Variants in FADS2 observed in about 807,000 individuals in gnomAD.
FADS2 encodes the protein fatty acid desaturase 2.
FADS2 carries 18 observed loss-of-function variants against 61.2 expected under a neutral mutation model. The observed-to-expected ratio is 0.29, with a 90% CI of 0.20 to 0.44. The LOEUF is 0.44. Ranked by LOEUF, FADS2 falls within the 20% of genes least tolerant of loss-of-function variation. The pLI, the probability that FADS2 is intolerant of heterozygous loss-of-function variation, is 1.00. For missense variants in FADS2, 322 were observed against 572.7 expected (o/e 0.56, Z 4.47); for synonymous variants, 203 against 223.9 (o/e 0.91, Z 0.83).
chr11:61,821,027 C>G (rs1479291536), intron 1 of FADS2, among the ~76,000 whole-genome samples: 3 of 152,194 alleles, frequency 2.0e-5, no homozygotes. Context: ...TACCCACCTA[C>G]ACAGGTGGTC....
intron 7 of FADS2, 28 bp from the exon 8 acceptor site, chr11:61,862,944 T>C: frequency 1.3e-6 from 2 of 1,592,596 alleles, no homozygotes; most frequent in Non-Finnish European, 1.7e-6. Context: ...AGAGGGCAGG[T>C]TGCACCTAAC....
chr11:61,823,446 G>C (rs532609652), upstream of FADS2, among the ~76,000 whole-genome samples: 43 of 152,196 alleles, frequency 2.8e-4, no homozygotes, highest in Admixed American at 6.5e-4. Context: ...CTAGCAATCT[G>C]TGCTTTAAAG....
In FADS2 at chr11:61,863,044, G is replaced by A; in HGVS notation, c.955G>A (p.Ala319Thr). ...CATCCCTTTCTACGGCATCCTGGGA[G>A]CCCTCCTTTTCCTCAACTTCATCAG... Reference protein sequence around the residue: ...TYIPFYGILGALLFLNFIRFL... With the variant: ...TYIPFYGILGTLLFLNFIRFL... Residue 319 changes from alanine to threonine, a missense_variant, in exon 8 of 12, where the codon GCC (alanine) becomes ACC (threonine). Around this residue, in one of 3 missense-constraint regions of FADS2, gnomAD observed 221 missense variants for 427.9 expected, o/e 0.52. Coordinates refer to ENST00000278840, the MANE Select transcript of FADS2 (RefSeq NM_004265.4). The A allele has an allele frequency of 6.2e-7, 1 of 1,614,196 alleles. No homozygotes were observed. Among genetic ancestry groups the A allele is most frequent in the African/African-American group, 1.3e-5 (1 of 75,064 alleles).
intron 1 of FADS2, among the ~76,000 whole-genome samples, chr11:61,832,335 C>A (rs2067137574): frequency 6.6e-6 from 1 of 152,206 alleles, no homozygotes; most frequent in South Asian, 2.1e-4. Context: ...GGCAGGAGAC[C>A]TGGGTTCCAG....
intron 5 of FADS2, among the ~76,000 whole-genome samples, chr11:61,853,497 TC>T (rs1026532811): frequency 3.7e-4 from 57 of 152,154 alleles, no homozygotes; most frequent in African/African-American, 1.3e-3. Flanking sequence ...TTTTGCCATA[TC>T]CCCGTTTTCT....
Position 61,817,233 on chromosome 11 carries a change from C to T in FADS2, c.141+807C>T, listed in dbSNP as rs532018277. On this transcript the variant is annotated intron_variant, in intron 1 of 11. Transcript: ENST00000257261. ...GGGCCGGGGTTGAGGTTTTTCCGTG[C>T]ACGAGGCTGCCCGGGCGGTCGCGGA... The T allele has an allele frequency of 9.9e-4, 349 of 352,430 alleles. 8 individuals are homozygous for T. The highest frequency in any genetic ancestry group is 2.2e-4 in the Non-Finnish European group (44 of 197,664). 21.8% of individuals were successfully genotyped at this position (352,430 alleles called of 1,614,324 possible).
chr11:61,866,836 T>G lies in FADS2; in HGVS notation c.*1147T>G, dbSNP rs1157441657. On this transcript the variant is annotated 3_prime_UTR_variant, in exon 12 of 12. Transcript: ENST00000278840. ...GGCTGGGCCTTGTGACAATCTGCCT[T>G]TCACCACATGGCCTTGCCTCGGTGG... The G allele has an allele frequency of 1.3e-5, 2 of 152,622 alleles. No homozygotes were observed. Among genetic ancestry groups the G allele is most frequent in the Non-Finnish European group, 2.9e-5 (2 of 68,316 alleles). The allele number at this position is 152,622 out of a possible 1,614,324, so 9.5% of individuals were successfully genotyped here. A position where few individuals can be genotyped will look rare whatever the true frequency, so the allele number is the denominator to read the frequency against.
intron 4 of FADS2, among the ~76,000 whole-genome samples, chr11:61,843,154 G>C (rs532659033): frequency 3.3e-5 from 5 of 152,350 alleles, no homozygotes; most frequent in African/African-American, 9.6e-5. Flanking sequence ...CTTCAGCCAG[G>C]CACAGTGGCT....
intron 1 of FADS2, among the ~76,000 whole-genome samples, chr11:61,830,293 ATGAATTTGGTC>A (rs2067118194): frequency 6.6e-6 from 1 of 152,254 alleles, no homozygotes; most frequent in Non-Finnish European, 1.5e-5. Context: ...GTCAAATACG[ATGAATTTGGTC>A]TGATTATTCC....
rs760151405 is a variant in FADS2, at chr11:61,863,793, G to A, written c.1157+7G>A. ...ACTTCCAGATTGAGCACCAGTGAGC[G>A]CGGGGCTGCGGGGAGGCGGGGAGAC... is the stretch of plus-strand genomic sequence containing the variant. On this transcript the variant is annotated splice_region_variant and intron_variant, in intron 10 of 11. Transcript: ENST00000278840. 64 of 1,611,984 alleles carry A rather than the reference G, an allele frequency of 4.0e-5. No homozygotes were observed. In the South Asian group the frequency reaches 4.1e-4, roughly 10 times the overall value.
intron 1 of FADS2, among the ~76,000 whole-genome samples, chr11:61,830,225 A>T (rs1259668421): frequency 3.9e-5 from 6 of 152,210 alleles, no homozygotes; most frequent in Non-Finnish European, 8.8e-5. Context: ...TTCATAGGTA[A>T]ATTGTAGAAG....
rs1289461988 is a variant in FADS2, at chr11:61,816,317, G to T, written c.32G>T (p.Cys11Phe). ...GGCAGGGAGGCGGGACCCTTTGTTT[G>T]TGTGTGCGTGTTGTTGGCCTCCATC... Residue 11 changes from cysteine (C) to phenylalanine (F), a missense_variant, in exon 1 of 12, where the codon TGT becomes TTT. Cys to Phe is a radical substitution (Grantham distance 205, BLOSUM62 -2). Transcript: ENST00000257261. The surrounding 1 kb of genome is among the most constrained non-coding windows in gnomAD (Gnocchi z 7.0). 6.3e-7 allele frequency: 1 copy of T among 1,598,372 alleles called. No homozygotes were observed. The highest frequency in any genetic ancestry group is 2.2e-5 in the East Asian group (1 of 44,872).
chr11:61,837,813 C>G lies in FADS2; in HGVS notation c.243C>G (p.Phe81Leu). 1 of 1,613,614 alleles carries G rather than the reference C, an allele frequency of 6.2e-7. No individual in the cohort carries two copies. Among genetic ancestry groups the G allele is most frequent in the South Asian group, 1.1e-5 (1 of 90,910 alleles). ...GCGCCTTCCACCCTGACCTGGAATT[C>G]GTGGGCAAGTTCTTGAAACCCCTGC... The part of the protein sequence containing the change: ...AFRAFHPDLE[F>L]VGKFLKPLLI... Residue 81 changes from phenylalanine (F) to leucine (L), a missense_variant, in exon 2 of 12, where the codon TTC becomes TTG. Physicochemically the swap from Phe to Leu is conservative, Grantham distance 22 (BLOSUM62 0). Around this residue, in one of 3 missense-constraint regions of FADS2, gnomAD observed 40 missense variants for 37.3 expected, o/e 1.07. Coordinates refer to ENST00000278840, the MANE Select transcript of FADS2 (RefSeq NM_004265.4).
At chr11:61,863,937 C>G in intron 10 of FADS2, 151 bp downstream of exon 10, 1 of 662,214 alleles carries the variant, frequency 1.5e-6, no homozygotes, top group South Asian at 1.8e-5. Flanking sequence ...CAGCCAGCCC[C>G]GCTGAGGTCA....
intron 1 of FADS2, among the ~76,000 whole-genome samples, chr11:61,831,148 C>T (rs1210399649): frequency 1.3e-5 from 2 of 151,434 alleles, no homozygotes; most frequent in African/African-American, 2.4e-5. Context: ...CCTTGAGCAG[C>T]GTGGGGTGGG....
Position 61,848,183 on chromosome 11 carries a change from C to A in FADS2, c.643C>A (p.His215Asn). The A allele has an allele frequency of 6.2e-7, 1 of 1,614,214 alleles. No homozygotes were observed. The highest frequency in any genetic ancestry group is 1.1e-5 in the South Asian group (1 of 91,086). ...LKGASANWWN[H>N]RHFQHHAKPN... ...GGGTGCCTCTGCCAACTGGTGGAAT[C>A]ATCGCCACTTCCAGCACCACGCCAA... The change falls in exon 5 of 12, where the codon CAT becomes AAT. Residue 215 changes from histidine (H) to asparagine (N), a missense_variant. His to Asn is a moderately conservative substitution (Grantham distance 68). Around this residue, in one of 3 missense-constraint regions of FADS2, gnomAD observed 221 missense variants for 427.9 expected, o/e 0.52. Transcript: ENST00000278840.
At chr11:61,839,413 T>C (rs1186548718) in intron 2 of FADS2, among the ~76,000 whole-genome samples, 1 of 151,636 alleles carries the variant, frequency 6.6e-6, no homozygotes, top group East Asian at 1.9e-4. Context: ...AACCTCCGCC[T>C]CCAGGTTCAA....
chr11:61,856,580 G>C (rs1004380882), intron 5 of FADS2: 4 of 159,632 alleles, frequency 2.5e-5, no homozygotes, highest in African/African-American at 9.6e-5. Flanking sequence ...AACTCCCCTG[G>C]GTGCTTATGC....
rs2066985441 is a variant in FADS2 at position 61,816,514 on chromosome 11, C to T, written c.141+88C>T. On this transcript the variant is annotated intron_variant, in intron 1 of 11. Transcript: ENST00000257261. This position sits in a 1 kb window ranked among gnomAD's most constrained non-coding sequence, Gnocchi z 7.0. ...CTCTGTCTCCCCTGCACTCAGCCTC[C>T]GGTCCCGCCCTCTCCTGTGCCCCCG... The T allele has an allele frequency of 6.3e-7, 1 of 1,596,992 alleles. No homozygotes were observed. Among genetic ancestry groups the T allele is most frequent in the East Asian group, 2.3e-5 (1 of 44,236 alleles).
Sources: allele counts gnomAD v4.1 joint callset (sites outside exome capture counted in the v4.1 genomes callset), GRCh38; gene constraint gnomAD v4.1.1; regional missense constraint gnomAD v4.1.1; non-coding constraint Gnocchi (gnomAD v3.1); transcripts MANE v1.5; gene names NCBI Gene and HGNC (gene_info 2026-07-23, HGNC 2026-07-21).